Variants in HTR2C observed in about 807,000 individuals in gnomAD.
HTR2C encodes 5-hydroxytryptamine (serotonin) receptor 2C, G protein-coupled.
HTR2C carries 5 observed loss-of-function variants against 21.0 expected under a neutral mutation model. That is an observed-to-expected ratio of 0.24 (90% CI 0.12 to 0.50). HTR2C has a LOEUF of 0.50. Ranked by LOEUF, HTR2C falls within the 20% of genes least tolerant of loss-of-function variation. The probability of loss-of-function intolerance (pLI) is 0.98; values close to 1 mark genes in which losing one functional copy is unlikely to be tolerated. For missense variants in HTR2C, 271 were observed against 371.2 expected, an observed-to-expected ratio of 0.73 and a Z score of 2.22; for synonymous variants, 150 against 145.3, an observed-to-expected ratio of 1.03 and a Z score of -0.23.
At chrX:114,725,557 G>A (rs1467005260) in intron 2 of HTR2C, among the ~76,000 whole-genome samples, 4 of 112,370 alleles carry the variant, frequency 3.6e-5, no homozygotes, top group Admixed American at 1.9e-4. Context: ...CATTGCTGGT[G>A]AGGAACTGCG....
At chrX:114,780,703 T>C (rs2070108451) in intron 4 of HTR2C, among the ~76,000 whole-genome samples, 1 of 111,608 alleles carries the variant, frequency 9.0e-6, no homozygotes, top group Admixed American at 9.5e-5. Flanking sequence ...ATTTTGTTGA[T>C]AATAATTTTG....
chrX:114,856,699 T>A (rs1556471151), intron 5 of HTR2C, among the ~76,000 whole-genome samples: 1 of 111,524 alleles, frequency 9.0e-6, no homozygotes, highest in African/African-American at 3.3e-5. Context: ...AGAAGATGTG[T>A]ACCCACATGT....
intron 4 of HTR2C, among the ~76,000 whole-genome samples, chrX:114,807,420 T>G (rs1281963981): frequency 1.1e-5 from 1 of 95,150 alleles, no homozygotes; most frequent in Non-Finnish European, 2.1e-5. Flanking sequence ...GCCATATCTA[T>G]ACCATATATA....
intron 2 of HTR2C, among the ~76,000 whole-genome samples, chrX:114,659,447 G>A (rs1930905931): frequency 9.0e-6 from 1 of 111,614 alleles, no homozygotes; most frequent in South Asian, 3.7e-4. Flanking sequence ...CATCACTTCT[G>A]TAGTATTCTT....
chrX:114,635,364 A>G (rs1186938468), intron 2 of HTR2C, among the ~76,000 whole-genome samples: 1 of 112,158 alleles, frequency 8.9e-6, no homozygotes, highest in Non-Finnish European at 1.9e-5. Context: ...GAGTTGCTGT[A>G]CTAAAAGACA....
chrX:114,599,584 G>T (rs1029751759), intron 1 of HTR2C, among the ~76,000 whole-genome samples: 1 of 111,773 alleles, frequency 8.9e-6, no homozygotes, highest in Non-Finnish European at 1.9e-5. Context: ...TGTGAAAGAT[G>T]AAATCATAAC....
At chrX:114,691,051 A>G (rs1251689119) in intron 2 of HTR2C, among the ~76,000 whole-genome samples, 1 of 111,263 alleles carries the variant, frequency 9.0e-6, no homozygotes, top group Non-Finnish European at 1.9e-5. Flanking sequence ...CTCAACTCTT[A>G]CTAATTCCAT....
At chrX:114,699,687 A>G (rs1333309186) in intron 2 of HTR2C, among the ~76,000 whole-genome samples, 1 of 112,177 alleles carries the variant, frequency 8.9e-6, no homozygotes, top group Non-Finnish European at 1.9e-5. Context: ...ATGGGCATTC[A>G]TGTTACTGCC....
At chrX:114,790,548 A>G (rs370417255) in intron 4 of HTR2C, among the ~76,000 whole-genome samples, 35 of 111,957 alleles carry the variant, frequency 3.1e-4, no homozygotes, top group African/African-American at 1.1e-3. Context: ...TTTCTACTTT[A>G]TGGGAATTCA....
intron 2 of HTR2C, among the ~76,000 whole-genome samples, chrX:114,642,421 A>C (rs1930170157): frequency 8.9e-6 from 1 of 111,925 alleles, no homozygotes; most frequent in African/African-American, 3.2e-5. Context: ...TGTGCCTTAT[A>C]TGAAAAAATA....
At chrX:114,645,786 T>C (rs1173935358) in intron 2 of HTR2C, among the ~76,000 whole-genome samples, 2 of 112,049 alleles carry the variant, frequency 1.8e-5, no homozygotes, top group African/African-American at 6.5e-5. Context: ...AGATAAGATA[T>C]GGACCTTTTC....
intron 2 of HTR2C, among the ~76,000 whole-genome samples, chrX:114,644,358 AATAAAT>A (rs1168754587): frequency 3.0e-3 from 49 of 16,503 alleles, no homozygotes; most frequent in African/African-American, 8.8e-3. Context: ...TAAATAAATA[AATAAAT>A]ATATATATAT....
intron 2 of HTR2C, chrX:114,651,683 GA>G (rs782702983): frequency 7.2e-5 from 9 of 124,327 alleles, no homozygotes; most frequent in Middle Eastern, 1.1e-3. Flanking sequence ...ACTTCATGTA[GA>G]TTTTTTTAAC....
intron 4 of HTR2C, among the ~76,000 whole-genome samples, chrX:114,745,720 A>ATGTC (rs1364291335): frequency 8.9e-6 from 1 of 111,924 alleles, no homozygotes; most frequent in Non-Finnish European, 1.9e-5. Context: ...CAAACGTCAG[A>ATGTC]TGTTCTCACT....
chrX:114,873,802 G>A (rs781892622), intron 5 of HTR2C, among the ~76,000 whole-genome samples: 5 of 111,458 alleles, frequency 4.5e-5, no homozygotes, highest in Admixed American at 9.5e-5. Context: ...TATGTGTGAT[G>A]AGAACACTTA....
chrX:114,687,464 T>G (rs1931954694), intron 2 of HTR2C, among the ~76,000 whole-genome samples: 1 of 112,127 alleles, frequency 8.9e-6, no homozygotes, highest in African/African-American at 3.2e-5. Context: ...TATCTAGTCT[T>G]TAAAAATATT....
At chrX:114,784,190 A>G (rs1329559489) in intron 4 of HTR2C, among the ~76,000 whole-genome samples, 4 of 111,066 alleles carry the variant, frequency 3.6e-5, no homozygotes, top group African/African-American at 1.3e-4. Context: ...TAATAGAGAA[A>G]AAAAAAAGAA....
intron 1 of HTR2C, among the ~76,000 whole-genome samples, chrX:114,606,965 GGTTT>G (rs1316163825): frequency 9.2e-6 from 1 of 108,754 alleles, no homozygotes; most frequent in Admixed American, 9.7e-5. Context: ...AGTCAAAGGG[GGTTT>G]GTTCTCTGGC....
rs782652879 is a variant in HTR2C, at chrX:114,749,453, CAAAAAAAAAA to C, written c.349+17860_349+17869del. On this transcript the variant is annotated intron_variant, in intron 4 of 5. Coordinates refer to ENST00000276198, the MANE Select transcript of HTR2C (RefSeq NM_000868.4). ...TGGTTGACAGAGCAAGTCCATGTCT[CAAAAAAAAAA>C]AAAAAAAAAAAAAGAAAAAAAAAAA... Among the ~76,000 whole-genome samples the C allele has an allele frequency of 7.2e-5, 3 of 41,906 alleles. No individual in the cohort carries two copies. In the Admixed American group the frequency reaches 1.4e-3, roughly 20 times the overall value. The allele number at this position is 41,906 out of a possible 115,157, so 36.4% of individuals were successfully genotyped here.
Sources: gnomAD v4.1 joint callset for allele counts (sites outside exome capture counted in the v4.1 genomes callset) on GRCh38, gnomAD v4.1.1 for gene constraint, MANE v1.5 for transcripts, NCBI Gene and HGNC (gene_info 2026-07-23, HGNC 2026-07-21) for gene names.